GRK3: variants seen among roughly 807,000 people sequenced by gnomAD.
The protein encoded by GRK3 is adrenergic, beta, receptor kinase 2.
A neutral mutation model predicts 95.7 loss-of-function variants in GRK3; 54 were observed. The ratio of observed to expected loss-of-function variants is 0.56; its 90% confidence interval spans 0.45 to 0.71. The LOEUF (loss-of-function observed/expected upper bound fraction) is 0.71. Ranked by LOEUF, GRK3 falls within the 30% of genes least tolerant of loss-of-function variation. The pLI, the probability that GRK3 is intolerant of heterozygous loss-of-function variation, is 0.00. For synonymous variants in GRK3, 281 were observed against 290.8 expected (o/e 0.97, Z 0.34); for missense variants, 649 against 851.2 (o/e 0.76, Z 2.96).
At chr22:25,701,315 G>T (rs572839713) in intron 13 of GRK3, among the ~76,000 whole-genome samples, 1 of 152,282 alleles carries the variant, frequency 6.6e-6, no homozygotes, top group South Asian at 2.1e-4. Context: ...TTTCTTTAAC[G>T]TTTTTCAAAA....
At chr22:25,571,720 G>A (rs1931705315) in intron 1 of GRK3, among the ~76,000 whole-genome samples, 1 of 152,092 alleles carries the variant, frequency 6.6e-6, no homozygotes, top group Non-Finnish European at 1.5e-5. Flanking sequence ...ATGATTGGCT[G>A]GAACAGAGAA....
intron 15 of GRK3, among the ~76,000 whole-genome samples, chr22:25,706,295 G>T (rs1342787413): frequency 6.6e-6 from 1 of 152,088 alleles, no homozygotes; most frequent in African/African-American, 2.4e-5. Flanking sequence ...GAAGTACGGC[G>T]GGTATGGGTG....
intron 1 of GRK3, among the ~76,000 whole-genome samples, chr22:25,571,704 AGCTGGATGATTG>A (rs551168028): frequency 1.6e-3 from 242 of 152,264 alleles, no homozygotes; most frequent in Admixed American, 3.1e-3. Context: ...ACTTCTGAAA[AGCTGGATGATTG>A]GCTGGAACAG....
chr22:25,600,513 A>G (rs1312377411), intron 1 of GRK3, among the ~76,000 whole-genome samples: 2 of 152,236 alleles, frequency 1.3e-5, no homozygotes, highest in African/African-American at 4.8e-5. Flanking sequence ...ACAATGAGAA[A>G]TAACAATACA....
intron 1 of GRK3, among the ~76,000 whole-genome samples, chr22:25,576,924 A>G (rs1032553977): frequency 1.9e-4 from 29 of 152,216 alleles, no homozygotes; most frequent in African/African-American, 6.5e-4. Flanking sequence ...TAAATACATT[A>G]ATAATTTCCT....
intron 13 of GRK3, among the ~76,000 whole-genome samples, chr22:25,698,717 T>C (rs1341326341): frequency 6.6e-6 from 1 of 151,994 alleles, no homozygotes; most frequent in East Asian, 1.9e-4. Context: ...CAGGGTTGGG[T>C]GGCTTTTCAG....
intron 1 of GRK3, among the ~76,000 whole-genome samples, chr22:25,592,682 T>TACA (rs149752220): frequency 0.12 from 13,795 of 119,450 alleles, no homozygotes; most frequent in East Asian, 0.35. Context: ...ATTTAAGGGG[T>TACA]ACATGTGCAG....
intron 2 of GRK3, among the ~76,000 whole-genome samples, chr22:25,631,355 T>G (rs1179065056): frequency 6.6e-6 from 1 of 152,214 alleles, no homozygotes; most frequent in Non-Finnish European, 1.5e-5. Context: ...TGTGAATAAT[T>G]TTATCCTCCA....
At position 25,663,631 on chromosome 22, in the gene GRK3, C is replaced by G; in HGVS notation, c.368C>G (p.Pro123Arg). The G allele has an allele frequency of 1.2e-6, 2 of 1,601,032 alleles. No homozygotes were observed. Among genetic ancestry groups the G allele is most frequent in the Non-Finnish European group, 1.7e-6 (2 of 1,173,238 alleles). The change falls in exon 5 of 21, where the codon CCT becomes CGT. Residue 123 changes from proline (P) to arginine (R), a missense_variant and splice_region_variant. Transcript: ENST00000324198. ...AAATATTATTTTTGACTTTGATAGC[C>G]TTTCTCAAAGCAAGCTGTAGAACAC... The part of the protein sequence containing the change: ...IMKELLSCSH[P>R]FSKQAVEHVQ...
In GRK3 at chr22:25,704,177, C is replaced by CGGCTGGGCTTGG; in HGVS notation, c.1297_1298insGCTGGGCTTGGG (p.Asp432_Val433insGlyTrpAlaTrp). Reference sequence around the variant, plus strand: ...TTTTGGAGGGCTTGCTTCAGCGAGACGTTAGCAAGCGGCTGGGCTGTCACG... The same window carrying CGGCTGGGCTTGG: ...TTTTGGAGGGCTTGCTTCAGCGAGACGGCTGGGCTTGGGTTAGCAAGCGGCTGGGCTGTCACG... On this transcript the variant is annotated inframe_insertion, in exon 15 of 21. Coordinates refer to ENST00000324198, the MANE Select transcript of GRK3 (RefSeq NM_005160.4). The CGGCTGGGCTTGG allele has an allele frequency of 1.2e-6, 2 of 1,613,520 alleles. No individual in the cohort carries two copies. The highest frequency in any genetic ancestry group is 1.7e-6 in the Non-Finnish European group (2 of 1,179,678).
intron 10 of GRK3, among the ~76,000 whole-genome samples, 162 bp from the exon 11 acceptor site, chr22:25,687,375 C>A (rs1383194931): frequency 6.6e-6 from 1 of 152,108 alleles, no homozygotes; most frequent in Non-Finnish European, 1.5e-5. Flanking sequence ...TTCTCTATAA[C>A]ATTTAAGCTG....
intron 10 of GRK3, among the ~76,000 whole-genome samples, chr22:25,686,065 C>T (rs1428159481): frequency 6.6e-6 from 1 of 151,148 alleles, no homozygotes; most frequent in Non-Finnish European, 1.5e-5. Flanking sequence ...ACTAAAAATA[C>T]AAAAAAATTA....
chr22:25,698,407 T>A (rs2085228419), intron 13 of GRK3, among the ~76,000 whole-genome samples: 1 of 152,122 alleles, frequency 6.6e-6, no homozygotes, highest in Admixed American at 6.5e-5. Flanking sequence ...GTGCTAACTT[T>A]GACAGTAGCG....
At chr22:25,631,898 T>C (rs778393433) in intron 2 of GRK3, among the ~76,000 whole-genome samples, 4 of 152,244 alleles carry the variant, frequency 2.6e-5, no homozygotes, top group Non-Finnish European at 5.9e-5. Context: ...TTTGCACGTA[T>C]GAGTAGTTCA....
intron 2 of GRK3, among the ~76,000 whole-genome samples, chr22:25,636,650 C>T (rs1356961281): frequency 7.2e-5 from 11 of 152,184 alleles, no homozygotes; most frequent in Admixed American, 7.2e-4. Flanking sequence ...ACCCCTACCT[C>T]TATCAAAAGA....
At chr22:25,657,857 CCTGT>C (rs1345624233) in intron 3 of GRK3, among the ~76,000 whole-genome samples, 4 of 151,930 alleles carry the variant, frequency 2.6e-5, no homozygotes, top group African/African-American at 7.2e-5. Flanking sequence ...TCCTGGATGC[CCTGT>C]CTGAGTTTTC....
intron 1 of GRK3, among the ~76,000 whole-genome samples, chr22:25,587,189 T>C (rs1324478627): frequency 1.3e-5 from 2 of 152,112 alleles, no homozygotes; most frequent in East Asian, 1.9e-4. Flanking sequence ...CCGTGCCCAG[T>C]GGCCCTTGCA....
Position 25,565,021 on chromosome 22 carries a change from C to A in GRK3, c.-20C>A, listed in dbSNP as rs1473417799. 2 of 1,376,230 alleles carry A rather than the reference C, an allele frequency of 1.5e-6. No individual in the cohort carries two copies. The highest frequency in any genetic ancestry group is 2.5e-5 in the Admixed American group (1 of 40,172). 85.3% of individuals were successfully genotyped at this position (1,376,230 alleles called of 1,614,324 possible). ...CCAGGTCCGGAGTAACCGCCGCCGC[C>A]GCCGCCAAAGCTCGCCAACATGGCG... On this transcript the variant is annotated 5_prime_UTR_variant, in exon 1 of 21. Coordinates refer to ENST00000324198, the MANE Select transcript of GRK3 (RefSeq NM_005160.4).
At chr22:25,690,151 G>A in intron 11 of GRK3, 38 bp from the exon 12 acceptor site, 1 of 1,512,658 alleles carries the variant, frequency 6.6e-7, no homozygotes, top group Non-Finnish European at 9.2e-7. Context: ...CATGGCATTT[G>A]GGGCACTCTT....
Sources: allele counts gnomAD v4.1 joint callset (sites outside exome capture counted in the v4.1 genomes callset), GRCh38; gene constraint gnomAD v4.1.1; transcripts MANE v1.5; gene names NCBI Gene and HGNC (gene_info 2026-07-23, HGNC 2026-07-21).